The following FASTKD1 variants were observed in gnomAD, a reference collection of about 807,000 sequenced individuals.
FASTKD1 encodes FAST kinase domains 1.
A neutral mutation model predicts 90.9 loss-of-function variants in FASTKD1; 94 were observed. That is an observed-to-expected ratio of 1.03 (90% CI 0.88 to 1.23). FASTKD1 has a LOEUF of 1.23. FASTKD1 is among the 50% of genes most tolerant of loss of function. The pLI, the probability that FASTKD1 is intolerant of heterozygous loss-of-function variation, is 0.00. For missense variants in FASTKD1, 945 were observed against 993.5 expected, an observed-to-expected ratio of 0.95 and a Z score of 0.66; for synonymous variants, 319 against 345.8, an observed-to-expected ratio of 0.92 and a Z score of 0.86.
At chr2:169,557,352 T>G in intron 5 of FASTKD1, 55 bp from the exon 6 acceptor site, 1 of 951,850 alleles carries the variant, frequency 1.1e-6, no homozygotes, top group Non-Finnish European at 1.6e-6. Flanking sequence ...TAGCTTGCAA[T>G]TTTTTTTAAA....
chr2:169,565,233 G>A (rs1233941955), intron 3 of FASTKD1, among the ~76,000 whole-genome samples: 3 of 130,700 alleles, frequency 2.3e-5, no homozygotes, highest in African/African-American at 8.5e-5. Flanking sequence ...TTACAGGCGT[G>A]AGCCACCACA....
At chr2:169,557,767 A>G (rs1683393638) in intron 5 of FASTKD1, among the ~76,000 whole-genome samples, 1 of 152,236 alleles carries the variant, frequency 6.6e-6, no homozygotes, top group Non-Finnish European at 1.5e-5. Flanking sequence ...AACAGTATAA[A>G]CTGAAAATTA....
At chr2:169,560,250 C>A in intron 5 of FASTKD1, 137 bp downstream of exon 5, 1 of 507,334 alleles carries the variant, frequency 2.0e-6, no homozygotes, top group Non-Finnish European at 3.4e-6. Context: ...AATCAAGGAG[C>A]AGAGCATAAG....
At chr2:169,567,378 C>A (rs922348740) in intron 3 of FASTKD1, among the ~76,000 whole-genome samples, 7 of 152,038 alleles carry the variant, frequency 4.6e-5, no homozygotes, top group Non-Finnish European at 8.8e-5. Flanking sequence ...AATCTAACCC[C>A]AAAGATCCAG....
At chr2:169,561,743 T>C (rs1225530837) in intron 4 of FASTKD1, among the ~76,000 whole-genome samples, 2 of 147,296 alleles carry the variant, frequency 1.4e-5, no homozygotes, top group South Asian at 2.1e-4. Flanking sequence ...AATTAATTAT[T>C]CATTATAAAT....
chr2:169,549,522 G>A (rs1685394349), intron 7 of FASTKD1, among the ~76,000 whole-genome samples: 1 of 152,198 alleles, frequency 6.6e-6, no homozygotes, highest in Non-Finnish European at 1.5e-5. Context: ...CTAGAGGGCA[G>A]TGGCGTAATA....
chr2:169,569,371 C>T, intron 2 of FASTKD1, 119 bp from the exon 3 acceptor site: 2 of 903,650 alleles, frequency 2.2e-6, no homozygotes, highest in Non-Finnish European at 3.5e-6. Flanking sequence ...TACAGGCAGT[C>T]CTTATTTCTG....
Position 169,571,735 on chromosome 2 carries a change from G to A in FASTKD1, c.295C>T (p.Leu99Phe). 6.2e-7 allele frequency: 1 copy of A among 1,613,692 alleles called. No homozygotes were observed. The highest frequency in any genetic ancestry group is 8.5e-7 in the Non-Finnish European group (1 of 1,179,682). ...AEYVRDHPQF[L>F]TLHNLATNKF... ...TTTGTAGCTAAATTATGAAGAGTAA[G>A]AAATTGAGGATGGTCTCTGACATAC... The change falls in exon 2 of 15, where the codon CTT (leucine) becomes TTT (phenylalanine). Residue 99 changes from leucine to phenylalanine, a missense_variant. Transcript: ENST00000453153.
chr2:169,544,350 A>C (rs1465117562), intron 9 of FASTKD1, among the ~76,000 whole-genome samples: 1 of 152,112 alleles, frequency 6.6e-6, no homozygotes, highest in Non-Finnish European at 1.5e-5. Flanking sequence ...CGGGTGGATC[A>C]CCTGAGGTCA....
chr2:169,568,318 G>A (rs1311739849), intron 3 of FASTKD1, among the ~76,000 whole-genome samples: 1 of 151,890 alleles, frequency 6.6e-6, no homozygotes, highest in East Asian at 1.9e-4. Context: ...TTTATTGATA[G>A]CCAATTAATC....
intron 7 of FASTKD1, among the ~76,000 whole-genome samples, chr2:169,549,152 TG>T (rs1287695725): frequency 6.6e-6 from 1 of 151,660 alleles, no homozygotes; most frequent in Admixed American, 6.6e-5. Context: ...CCCATCCCTT[TG>T]GGAGGCCGAG....
chr2:169,564,118 C>G (rs1456730328), intron 3 of FASTKD1, among the ~76,000 whole-genome samples: 1 of 151,932 alleles, frequency 6.6e-6, no homozygotes, highest in Non-Finnish European at 1.5e-5. Flanking sequence ...ATGCTGTATG[C>G]TTATGACTAG....
chr2:169,571,517 T>G, intron 2 of FASTKD1, 136 bp downstream of exon 2: 1 of 573,926 alleles, frequency 1.7e-6, no homozygotes, highest in Non-Finnish European at 2.9e-6. Flanking sequence ...TGAGCCGAGA[T>G]CATGCCACTG....
chr2:169,530,300 T>C (rs889227077), intron 14 of FASTKD1, among the ~76,000 whole-genome samples: 6 of 152,126 alleles, frequency 3.9e-5, no homozygotes, highest in African/African-American at 1.4e-4. Flanking sequence ...TGACAACTTT[T>C]ATTTATTTAT....
intron 4 of FASTKD1, among the ~76,000 whole-genome samples, chr2:169,561,693 AATT>A (rs1455335289): frequency 6.8e-6 from 1 of 147,984 alleles, no homozygotes; most frequent in African/African-American, 2.4e-5. Flanking sequence ...ATCCATTATA[AATT>A]ATTAATCTAT....
At position 169,560,618 on chromosome 2, in the gene FASTKD1, G is replaced by C. The variant is rs147305776; in HGVS notation, c.740C>G (p.Pro247Arg). The change falls in exon 5 of 15, where the codon CCA becomes CGA. Residue 247 changes from proline to arginine, a missense_variant. Coordinates refer to ENST00000453153, the MANE Select transcript of FASTKD1 (RefSeq NM_024622.6). ...FLRNVRYRYQ[P>R]LLERCNNVFL... ...TACGTTATTACATCTTTCTAATAGT[G>C]GTTGATAACGATATCTAACATTTCG... 3.7e-5 allele frequency: 59 copies of C among 1,611,676 alleles called. No homozygotes were observed. Among genetic ancestry groups the C allele is most frequent in the Non-Finnish European group, 4.9e-5 (58 of 1,179,118 alleles).
intron 12 of FASTKD1, 165 bp from the exon 13 acceptor site, chr2:169,531,655 C>G: frequency 1.8e-6 from 1 of 550,418 alleles, no homozygotes; most frequent in Non-Finnish European, 3.1e-6. Context: ...AAGATCTGGT[C>G]CAATGGCACC....
At chr2:169,569,034 T>C (rs1157411532) in intron 3 of FASTKD1, 150 bp downstream of exon 3, 1 of 639,122 alleles carries the variant, frequency 1.6e-6, no homozygotes, top group African/African-American at 1.9e-5. Flanking sequence ...CATTACACAA[T>C]CAAAAACTTT....
chr2:169,569,575 G>C (rs1382112748), intron 2 of FASTKD1, among the ~76,000 whole-genome samples: 1 of 152,132 alleles, frequency 6.6e-6, no homozygotes, highest in Non-Finnish European at 1.5e-5. Flanking sequence ...TTTTGATCAG[G>C]CATGGTGGCT....
Sources: gnomAD v4.1 joint callset for allele counts (sites outside exome capture counted in the v4.1 genomes callset) on GRCh38, gnomAD v4.1.1 for gene constraint, MANE v1.5 for transcripts, NCBI Gene and HGNC (gene_info 2026-07-23, HGNC 2026-07-21) for gene names.